The following TARS3 variants were observed in gnomAD, a reference collection of about 807,000 sequenced individuals.
TARS3 encodes the protein threonyl-tRNA synthetase 3.
In TARS3, 94 loss-of-function variants were observed where a neutral mutation model predicts 103.5. The ratio of observed to expected loss-of-function variants is 0.91; its 90% confidence interval spans 0.77 to 1.08. TARS3 has a LOEUF of 1.08. Among genes scored for constraint, TARS3 ranks in the 50% least tolerant of loss-of-function variants. The pLI is 0.00. For missense variants in TARS3, 952 were observed against 995.2 expected (o/e 0.96, Z 0.58); for synonymous variants, 416 against 355.4 (o/e 1.17, Z -1.92).
chr15:101,695,532 A>G (rs1898930555), intron 10 of TARS3, among the ~76,000 whole-genome samples: 1 of 152,296 alleles, frequency 6.6e-6, no homozygotes, highest in Non-Finnish European at 1.5e-5. Context: ...CTGTGCTATT[A>G]TAAGTAACGC....
At chr15:101,706,326 A>G (rs2141436829) in intron 6 of TARS3, among the ~76,000 whole-genome samples, 1 of 152,330 alleles carries the variant, frequency 6.6e-6, no homozygotes, top group African/African-American at 2.4e-5. Flanking sequence ...TGCAGTGAGT[A>G]TAAAACACAC....
In TARS3 at chr15:101,724,235, C is replaced by T. The variant is rs781408345; in HGVS notation, c.153G>A (p.Thr51=). 3.2e-6 allele frequency: 5 copies of T among 1,551,132 alleles called. No homozygotes were observed. Among genetic ancestry groups the T allele is most frequent in the South Asian group, 1.2e-5 (1 of 84,514 alleles). The change falls in exon 1 of 19, where the codon ACG becomes ACA. Residue 51 remains threonine (T), a synonymous_variant. Coordinates refer to ENST00000335968, the MANE Select transcript of TARS3 (RefSeq NM_152334.3). ...YSCQAEGPCL[T]REVAQLRAEN... ...CGGCCCGGAGCTGCGCCACCTCCCG[C>T]GTGAGGCACGGCCCCTCCGCCTGGC...
At chr15:101,708,728 G>C in intron 6 of TARS3, 65 bp downstream of exon 6, 1 of 1,066,570 alleles carries the variant, frequency 9.4e-7, no homozygotes, top group Non-Finnish European at 1.4e-6. Flanking sequence ...GGGGAAGGTG[G>C]GGAAGCTAGT....
At chr15:101,713,378 A>G (rs1455136954) in intron 4 of TARS3, among the ~76,000 whole-genome samples, 1 of 152,206 alleles carries the variant, frequency 6.6e-6, no homozygotes, top group Admixed American at 6.5e-5. Context: ...TCCAAATGCA[A>G]TGGGATGCAT....
chr15:101,720,425 T>C (rs1209866980), intron 3 of TARS3, among the ~76,000 whole-genome samples: 1 of 152,160 alleles, frequency 6.6e-6, no homozygotes. Flanking sequence ...CTCTAAAACA[T>C]TTATCTTCAA....
In TARS3 at chr15:101,655,426, C is replaced by G. The variant is rs1357465076; in HGVS notation, c.2261-696G>C. 1.9e-4 allele frequency among the ~76,000 whole-genome samples: 23 copies of G among 119,136 alleles called. No homozygotes were observed. In the East Asian group the frequency reaches 3.4e-3, roughly 18 times the overall value. The allele number at this position is 119,136 out of a possible 152,430, so 78.2% of individuals were successfully genotyped here. ...CCTGGCACTAGGGCGCAAATGAGAG[C>G]GGGGAGCTCTTACAGGCTCACAGTG... is the stretch of plus-strand genomic sequence containing the variant. On this transcript the variant is annotated intron_variant, in intron 18 of 18. Coordinates refer to ENST00000335968, the MANE Select transcript of TARS3 (RefSeq NM_152334.3).
chr15:101,722,028 T>C (rs1443944747), intron 2 of TARS3, among the ~76,000 whole-genome samples: 2 of 152,200 alleles, frequency 1.3e-5, no homozygotes, highest in Admixed American at 1.3e-4. Flanking sequence ...CGATGATCAC[T>C]AGCTTACGTG....
chr15:101,689,136 T>C (rs1312980538), intron 10 of TARS3, among the ~76,000 whole-genome samples: 3 of 152,162 alleles, frequency 2.0e-5, no homozygotes, highest in Non-Finnish European at 4.4e-5. Context: ...CTTACTACCC[T>C]TGATCCCAAT....
chr15:101,714,776 C>G, intron 4 of TARS3, 64 bp downstream of exon 4: 1 of 1,509,346 alleles, frequency 6.6e-7, no homozygotes, highest in Non-Finnish European at 8.9e-7. Context: ...TATGTGGCCT[C>G]TTATATAATG....
chr15:101,681,646 C>T (rs531911780), intron 12 of TARS3, among the ~76,000 whole-genome samples: 1 of 152,310 alleles, frequency 6.6e-6, no homozygotes, highest in South Asian at 2.1e-4. Context: ...TCCTAGTTTG[C>T]CAACGGCTGA....
chr15:101,675,697 GA>G lies in TARS3; in HGVS notation c.1690del (p.Ser564LeufsTer12). 6.2e-7 allele frequency: 1 copy of G among 1,613,824 alleles called. No homozygotes were observed. Among genetic ancestry groups the G allele is most frequent in the Non-Finnish European group, 8.5e-7 (1 of 1,179,920 alleles). ...GGAGAAGCCAAATGTTGAGTAAACAGATTGCAAAAACTGCAAACACCCCTTT... is the reference window on the plus strand; with the variant it reads ...GGAGAAGCCAAATGTTGAGTAAACAGTTGCAAAAACTGCAAACACCCCTTT... ...EIKGCLQFLQ[S>X]VYSTFGFSFQ... On this transcript the variant is annotated frameshift_variant, in exon 13 of 19. Transcript: ENST00000335968. LOFTEE classifies it high-confidence loss of function.
At chr15:101,690,049 A>T (rs115148105) in intron 10 of TARS3, among the ~76,000 whole-genome samples, 116 of 152,336 alleles carry the variant, frequency 7.6e-4, no homozygotes, top group African/African-American at 2.7e-3. Context: ...TGAAACTGAA[A>T]TGACATCACC....
At chr15:101,657,955 A>G (rs902691132) in intron 16 of TARS3, 98 bp from the exon 17 acceptor site, 3 of 753,084 alleles carry the variant, frequency 4.0e-6, no homozygotes, top group Non-Finnish European at 6.2e-6. Flanking sequence ...AGACTTCACA[A>G]GAGGGCAGTT....
At chr15:101,715,496 A>G (rs113212634) in intron 3 of TARS3, among the ~76,000 whole-genome samples, 2,332 of 152,334 alleles carry the variant, frequency 0.015, 54 homozygotes, top group African/African-American at 0.054. Flanking sequence ...CCACAAGATA[A>G]AATAAAAATC....
At chr15:101,673,042 G>A (rs1208592083) in intron 13 of TARS3, among the ~76,000 whole-genome samples, 1 of 152,200 alleles carries the variant, frequency 6.6e-6, no homozygotes, top group Non-Finnish European at 1.5e-5. Context: ...AGAGCCGAGA[G>A]AGCATCGGAT....
At chr15:101,692,729 T>C (rs1479592452) in intron 10 of TARS3, among the ~76,000 whole-genome samples, 1 of 152,234 alleles carries the variant, frequency 6.6e-6, no homozygotes, top group Non-Finnish European at 1.5e-5. Flanking sequence ...CTATTGGTAA[T>C]CCCTGGGCGC....
intron 9 of TARS3, among the ~76,000 whole-genome samples, chr15:101,701,554 C>T (rs1295573401): frequency 6.6e-6 from 1 of 152,150 alleles, no homozygotes; most frequent in Non-Finnish European, 1.5e-5. Flanking sequence ...CTATCCTGTA[C>T]CAGGCACCGT....
At position 101,717,500 on chromosome 15, in the gene TARS3, C is replaced by G. The variant is rs143398621; in HGVS notation, c.567-2537G>C. Among the ~76,000 whole-genome samples, 303 of 152,326 alleles carry G rather than the reference C, an allele frequency of 2.0e-3. 1 individual carries two copies. Among genetic ancestry groups the G allele is most frequent in the Non-Finnish European group, 3.4e-3 (230 of 68,036 alleles). Reference sequence around the variant, plus strand: ...TTCTTCTCCAGAAGGAGTTTTCCAGCCTTCCTTGCAGCTACATGTGGCCAT... The same window carrying G: ...TTCTTCTCCAGAAGGAGTTTTCCAGGCTTCCTTGCAGCTACATGTGGCCAT... On this transcript the variant is annotated intron_variant, in intron 3 of 18. Coordinates refer to ENST00000335968, the MANE Select transcript of TARS3 (RefSeq NM_152334.3).
intron 10 of TARS3, among the ~76,000 whole-genome samples, chr15:101,700,348 G>A (rs1328294096): frequency 6.6e-6 from 1 of 152,066 alleles, no homozygotes; most frequent in Non-Finnish European, 1.5e-5. Context: ...CTTTCCTCTG[G>A]AACTGCCAAA....
Sources: gnomAD v4.1 joint callset for allele counts (sites outside exome capture counted in the v4.1 genomes callset) on GRCh38, gnomAD v4.1.1 for gene constraint, MANE v1.5 for transcripts, NCBI Gene and HGNC (gene_info 2026-07-23, HGNC 2026-07-21) for gene names.